The following CELF2 variants were observed in gnomAD, a reference collection of about 807,000 sequenced individuals.
The protein encoded by CELF2 is CUG triplet repeat RNA-binding protein 2.
Under a neutral mutation model 62.6 loss-of-function variants are expected in CELF2, and 8 were observed. The ratio of observed to expected loss-of-function variants is 0.13; its 90% CI spans 0.07 to 0.23. CELF2 has a LOEUF of 0.23. Among genes scored for constraint, CELF2 ranks in the 10% least tolerant of loss-of-function variants. The pLI is 1.00. For synonymous variants in CELF2, 258 were observed against 250.0 expected, an observed-to-expected ratio of 1.03 and a Z score of -0.30; for missense variants, 333 against 671.0, an observed-to-expected ratio of 0.50 and a Z score of 5.56.
intron 1 of CELF2, among the ~76,000 whole-genome samples, chr10:11,096,912 C>G (rs1198206883): frequency 6.6e-6 from 1 of 152,176 alleles, no homozygotes; most frequent in East Asian, 1.9e-4. Context: ...CTGACAGAAG[C>G]TTCTTTCTAA....
rs11414743 is a variant in CELF2, at chr10:11,034,493, T to TAA, written c.74+16334_74+16335dup. On this transcript the variant is annotated intron_variant, in intron 1 of 12. Transcript: ENST00000633077. The stretch of plus-strand genomic sequence containing the variant: ...GTGTCTAGATCCCTCCTAGATGTGT[T>TAA]AAAAATATTTCATGTGTTCCTTATT... Among the ~76,000 whole-genome samples the TAA allele has an allele frequency of 6.7e-5, 10 of 149,858 alleles. No individual in the cohort carries two copies. In the South Asian group the frequency reaches 1.7e-3, roughly 25 times the overall value.
At chr10:11,018,246 G>T in intron 1 of CELF2, 83 bp downstream of exon 1, 2 of 1,229,342 alleles carry the variant, frequency 1.6e-6, no homozygotes, top group Non-Finnish European at 1.1e-6. Flanking sequence ...GGCGTCGCCC[G>T]CAGCTCCCGG....
the CELF2 span, among the ~76,000 whole-genome samples, chr10:10,639,159 G>T: frequency 1.1e-3 from 174 of 152,292 alleles, no homozygotes; most frequent in South Asian, 1.4e-3. Flanking sequence ...ATGTGCAATT[G>T]TTCTGCATTG....
chr10:10,971,487 C>G (rs1226714487), intron 2 of CELF2, among the ~76,000 whole-genome samples: 1 of 152,194 alleles, frequency 6.6e-6, no homozygotes, highest in African/African-American at 2.4e-5. Context: ...TGCACCCACC[C>G]TAGTTACCAG....
the CELF2 span, chr10:10,776,548 G>A: frequency 6.5e-6 from 1 of 154,866 alleles, no homozygotes; most frequent in East Asian, 1.9e-4. Context: ...GAACACGGAA[G>A]AAGGAATGCT....
At chr10:10,714,264 C>T in the CELF2 span, among the ~76,000 whole-genome samples, 2 of 152,112 alleles carry the variant, frequency 1.3e-5, no homozygotes, top group African/African-American at 2.4e-5. Context: ...ACTGTTATTT[C>T]GTCTGTAATT....
the CELF2 span, among the ~76,000 whole-genome samples, chr10:10,650,813 G>A: frequency 6.6e-5 from 10 of 152,312 alleles, no homozygotes; most frequent in South Asian, 2.1e-4. Flanking sequence ...CTGACCCAGC[G>A]ATTCCACTCC....
chr10:10,866,963 G>C (rs2060425862), intron 1 of CELF2, among the ~76,000 whole-genome samples: 1 of 149,554 alleles, frequency 6.7e-6, no homozygotes, highest in South Asian at 2.1e-4. Flanking sequence ...CTCTTCTTTT[G>C]TGTCCTTTGG....
rs908277803 is a variant in CELF2 at position 11,267,678 on chromosome 10, T to G, written c.618+1001T>G. Among the ~76,000 whole-genome samples, 3 of 152,240 alleles carry G rather than the reference T, an allele frequency of 2.0e-5. No individual in the cohort carries two copies. Among genetic ancestry groups the G allele is most frequent in the Non-Finnish European group, 4.4e-5 (3 of 68,046 alleles). ...CCCCCATTTTGTTGGGGTTTTATTT[T>G]TTTGTTTGTTTGTTTTTGTTTGTTT... On this transcript the variant is annotated intron_variant, in intron 6 of 12. Transcript: ENST00000633077. The surrounding 1 kb of genome is among the most constrained non-coding windows in gnomAD (Gnocchi z 4.4).
At chr10:10,708,842 C>T in the CELF2 span, among the ~76,000 whole-genome samples, 1 of 151,880 alleles carries the variant, frequency 6.6e-6, no homozygotes, top group Non-Finnish European at 1.5e-5. Context: ...TCACCTTGAC[C>T]CCTCCAAACA....
chr10:11,196,890 C>T (rs1038887210), intron 2 of CELF2, among the ~76,000 whole-genome samples: 1 of 148,854 alleles, frequency 6.7e-6, no homozygotes, highest in Admixed American at 6.7e-5. Context: ...ACCTGGGAGG[C>T]GGAGGTTGCA....
At chr10:11,073,918 G>A (rs1564623554) in intron 1 of CELF2, among the ~76,000 whole-genome samples, 1 of 152,176 alleles carries the variant, frequency 6.6e-6, no homozygotes, top group Non-Finnish European at 1.5e-5. Context: ...GTTATCAAAT[G>A]TAAAATAATT....
chr10:10,929,861 A>T (rs1454100167), intron 2 of CELF2, among the ~76,000 whole-genome samples: 1 of 152,216 alleles, frequency 6.6e-6, no homozygotes, highest in African/African-American at 2.4e-5. Flanking sequence ...CAGTGCCTAG[A>T]TTGTTGCCTT....
Position 10,972,170 on chromosome 10 carries a change from C to T in CELF2, c.89+52171C>T, listed in dbSNP as rs2050822429. Among the ~76,000 whole-genome samples the T allele has an allele frequency of 6.6e-6, 1 of 152,148 alleles. No homozygotes were observed. Among genetic ancestry groups the T allele is most frequent in the Admixed American group, 6.5e-5 (1 of 15,284 alleles). ...TTCTCTGTGGCACTGAGCTCACAGA[C>T]AATTTCTTATTCAGGGAAACTCGCT... On this transcript the variant is annotated intron_variant, in intron 2 of 13. Transcript: ENST00000636488. The surrounding 1 kb of genome is among the most constrained non-coding windows in gnomAD (Gnocchi z 4.4).
At position 11,005,445 on chromosome 10, in the gene CELF2, G is replaced by A. The variant is rs776199278; in HGVS notation, c.53+5G>A. The A allele has an allele frequency of 6.2e-7, 1 of 1,613,910 alleles. No homozygotes were observed. The highest frequency in any genetic ancestry group is 8.5e-7 in the Non-Finnish European group (1 of 1,179,822). On this transcript the variant is annotated splice_donor_5th_base_variant and intron_variant, in intron 1 of 12. Coordinates refer to the CELF2 transcript ENST00000416382. This position sits in a 1 kb window ranked among gnomAD's most constrained non-coding sequence, Gnocchi z 4.3. Reference sequence around the variant, plus strand: ...AAATGAAGAGCTGCTTTTAAGGTATGTTGTTGTGTCCTTTGTTTTTAATGC... The same window carrying A: ...AAATGAAGAGCTGCTTTTAAGGTATATTGTTGTGTCCTTTGTTTTTAATGC...
chr10:10,826,006 T>C (rs532293537), intron 1 of CELF2, among the ~76,000 whole-genome samples: 1 of 152,338 alleles, frequency 6.6e-6, no homozygotes, highest in Non-Finnish European at 1.5e-5. Context: ...AAATCTCTGA[T>C]ATTAATCCTT....
rs759524110 is a variant in CELF2, at chr10:10,814,214, T to TAAAAAAAAAA, written c.53+15414_53+15423dup. On this transcript the variant is annotated intron_variant, in intron 1 of 13. Coordinates refer to the CELF2 transcript ENST00000636488. ...AAGGAAGAAAGGGAAAGAAGAGTCC[T>TAAAAAAAAAA]AAAAAAAAAAAAAAAAAAAAAAAAA... is the stretch of plus-strand genomic sequence containing the variant. 5.9e-3 allele frequency among the ~76,000 whole-genome samples: 262 copies of TAAAAAAAAAA among 44,428 alleles called. 32 individuals are homozygous for TAAAAAAAAAA. The highest frequency in any genetic ancestry group is 7.8e-3 in the Non-Finnish European group (194 of 24,926). The allele number at this position is 44,428 out of a possible 152,430, so 29.1% of individuals were successfully genotyped here.
At chr10:10,632,549 T>C in the CELF2 span, among the ~76,000 whole-genome samples, 4 of 152,166 alleles carry the variant, frequency 2.6e-5, no homozygotes, top group Non-Finnish European at 1.5e-5. Context: ...AATTAGATCA[T>C]TGTGAACAAG....
the CELF2 span, among the ~76,000 whole-genome samples, chr10:10,590,755 C>T: frequency 6.6e-6 from 1 of 152,238 alleles, no homozygotes; most frequent in Non-Finnish European, 1.5e-5. Flanking sequence ...GCCCCTCCCT[C>T]ATCAGTTAAG....
Sources: gnomAD v4.1 joint callset for allele counts (sites outside exome capture counted in the v4.1 genomes callset) on GRCh38, gnomAD v4.1.1 for gene constraint, Gnocchi (gnomAD v3.1) non-coding constraint, MANE v1.5 for transcripts, NCBI Gene and HGNC (gene_info 2026-07-23, HGNC 2026-07-21) for gene names.